The following COX7B2 variants were observed in gnomAD, a reference collection of about 807,000 sequenced individuals.
COX7B2 encodes cytochrome c oxidase subunit 7B2, mitochondrial.
For synonymous variants in COX7B2, 37 were observed against 32.1 expected (o/e 1.15, Z -0.51); for missense variants, 109 against 95.9 (o/e 1.14, Z -0.57).
At chr4:46,811,800 T>A (rs1719299409) in intron 2 of COX7B2, among the ~76,000 whole-genome samples, 1 of 152,136 alleles carries the variant, frequency 6.6e-6, no homozygotes, top group Non-Finnish European at 1.5e-5. Flanking sequence ...GGGGGAGACT[T>A]TCACATACAG....
intron 2 of COX7B2, among the ~76,000 whole-genome samples, chr4:46,738,107 A>G (rs1014819951): frequency 6.6e-5 from 10 of 152,170 alleles, no homozygotes; most frequent in African/African-American, 2.4e-4. Flanking sequence ...AATCCAGTAC[A>G]AAAGGACCTG....
intron 2 of COX7B2, among the ~76,000 whole-genome samples, chr4:46,784,339 GA>G (rs1476976268): frequency 6.6e-6 from 1 of 152,120 alleles, no homozygotes; most frequent in African/African-American, 2.4e-5. Context: ...AAAAGACTTA[GA>G]AAAGGGCCGG....
At chr4:46,886,458 A>T (rs1719090493) in intron 1 of COX7B2, among the ~76,000 whole-genome samples, 1 of 152,134 alleles carries the variant, frequency 6.6e-6, no homozygotes, top group Non-Finnish European at 1.5e-5. Context: ...GTTAACTATA[A>T]TTTCCCTATT....
chr4:46,759,890 G>C (rs1355285742), intron 2 of COX7B2, among the ~76,000 whole-genome samples: 2 of 148,478 alleles, frequency 1.3e-5, no homozygotes, highest in East Asian at 2.0e-4. Flanking sequence ...TCTTATATAA[G>C]TTATATAAGT....
chr4:46,782,073 T>A (rs1440440853), intron 2 of COX7B2, among the ~76,000 whole-genome samples: 2 of 152,192 alleles, frequency 1.3e-5, no homozygotes, highest in Non-Finnish European at 2.9e-5. Flanking sequence ...TGGGCAGCTC[T>A]GCCCATGGCC....
chr4:46,902,949 C>T (rs1329344305), intron 1 of COX7B2, among the ~76,000 whole-genome samples: 2 of 152,052 alleles, frequency 1.3e-5, no homozygotes, highest in African/African-American at 4.8e-5. Context: ...AAACTGATTT[C>T]TAATTCTGTG....
intron 2 of COX7B2, among the ~76,000 whole-genome samples, chr4:46,747,335 G>A (rs183640475): frequency 3.6e-5 from 4 of 110,742 alleles, no homozygotes; most frequent in African/African-American, 9.2e-5. Context: ...TCAGAGTCTC[G>A]CTCTGTCGCC....
At chr4:46,893,578 A>G (rs751622373) in intron 1 of COX7B2, among the ~76,000 whole-genome samples, 2 of 152,168 alleles carry the variant, frequency 1.3e-5, no homozygotes, top group Non-Finnish European at 2.9e-5. Flanking sequence ...TATTGCATCA[A>G]TGAGGGAATA....
intron 1 of COX7B2, among the ~76,000 whole-genome samples, chr4:46,845,614 C>T (rs1321476055): frequency 6.6e-6 from 1 of 151,610 alleles, no homozygotes; most frequent in Admixed American, 6.6e-5. Flanking sequence ...AAGTCCCACC[C>T]AAAAAGCAGA....
intron 2 of COX7B2, among the ~76,000 whole-genome samples, chr4:46,778,800 A>C (rs1717292298): frequency 6.6e-6 from 1 of 152,130 alleles, no homozygotes; most frequent in African/African-American, 2.4e-5. Context: ...ATAATCAGTG[A>C]AACTAAATTT....
At chr4:46,847,437 G>A (rs1020138840) in intron 1 of COX7B2, among the ~76,000 whole-genome samples, 1 of 152,022 alleles carries the variant, frequency 6.6e-6, no homozygotes, top group Non-Finnish European at 1.5e-5. Flanking sequence ...CAGAAAACTT[G>A]AGTAAATTTA....
At chr4:46,811,667 T>C (rs1719291462) in intron 2 of COX7B2, among the ~76,000 whole-genome samples, 2 of 152,172 alleles carry the variant, frequency 1.3e-5, no homozygotes, top group Admixed American at 1.3e-4. Flanking sequence ...ACTGGAGAAT[T>C]ATTGTGTTCC....
chr4:46,810,895 A>G (rs1055204357), intron 2 of COX7B2, among the ~76,000 whole-genome samples: 1 of 152,156 alleles, frequency 6.6e-6, no homozygotes, highest in African/African-American at 2.4e-5. Context: ...TTATTTCTGA[A>G]AGACAGCTTT....
At chr4:46,761,935 T>G (rs112317675) in intron 2 of COX7B2, among the ~76,000 whole-genome samples, 1 of 151,190 alleles carries the variant, frequency 6.6e-6, no homozygotes, top group Admixed American at 6.6e-5. Context: ...TTTTTTTTTT[T>G]AAAACCATTG....
chr4:46,876,421 T>C (rs1286698849), intron 1 of COX7B2, among the ~76,000 whole-genome samples: 1 of 150,862 alleles, frequency 6.6e-6, no homozygotes, highest in Non-Finnish European at 1.5e-5. Context: ...TTTTTTTTTT[T>C]TTGAGAAGGA....
At chr4:46,854,936 G>A (rs895466923) in intron 1 of COX7B2, among the ~76,000 whole-genome samples, 2 of 152,062 alleles carry the variant, frequency 1.3e-5, no homozygotes, top group African/African-American at 4.8e-5. Flanking sequence ...CAAGTTATCA[G>A]ATTATATTTT....
chr4:46,808,746 A>C (rs1394537412), intron 2 of COX7B2, among the ~76,000 whole-genome samples: 4 of 151,870 alleles, frequency 2.6e-5, no homozygotes, highest in African/African-American at 7.2e-5. Flanking sequence ...TTATCAAGAA[A>C]GGACGTTGGA....
At chr4:46,876,164 T>C (rs1718316566) in intron 1 of COX7B2, among the ~76,000 whole-genome samples, 1 of 151,994 alleles carries the variant, frequency 6.6e-6, no homozygotes, top group Non-Finnish European at 1.5e-5. Flanking sequence ...GAACAAAAGG[T>C]TTTAAAAATA....
In COX7B2 at chr4:46,895,429, G is replaced by A. The variant is rs143271910; in HGVS notation, c.-105+13731C>T. Among the ~76,000 whole-genome samples the A allele has an allele frequency of 8.2e-3, 1,249 of 152,230 alleles. 8 individuals carry two copies. Among genetic ancestry groups the A allele is most frequent in the Admixed American group, 0.013 (194 of 15,276 alleles). ...CACATGTTCTCACTCATAAGTGGGAGCTAAATGATGAGAACTCATGGGCAC... is the reference window on the plus strand; with the variant it reads ...CACATGTTCTCACTCATAAGTGGGAACTAAATGATGAGAACTCATGGGCAC... On this transcript the variant is annotated intron_variant, in intron 1 of 2. Transcript: ENST00000355591.
Sources: gnomAD v4.1 joint callset for allele counts (sites outside exome capture counted in the v4.1 genomes callset) on GRCh38, gnomAD v4.1.1 for gene constraint, MANE v1.5 for transcripts, NCBI Gene and HGNC (gene_info 2026-07-23, HGNC 2026-07-21) for gene names.